INTS2: variants seen among roughly 807,000 people sequenced by gnomAD.
INTS2 encodes KIAA1287.
Under a neutral mutation model 139.6 loss-of-function variants are expected in INTS2, and 57 were observed. The ratio of observed to expected loss-of-function variants is 0.41; its 90% CI spans 0.33 to 0.51. INTS2 has a LOEUF of 0.51. INTS2 is among the 20% of genes least tolerant of loss of function. The pLI is 0.28. For missense variants in INTS2, 1,196 were observed against 1,436.7 expected (o/e 0.83, Z 2.71); for synonymous variants, 473 against 493.4 (o/e 0.96, Z 0.55).
chr17:61,913,829 G>A (rs2079550998), intron 5 of INTS2, among the ~76,000 whole-genome samples: 1 of 152,130 alleles, frequency 6.6e-6, no homozygotes, highest in African/African-American at 2.4e-5. Flanking sequence ...AATGGTAAAT[G>A]TGTGGATAAA....
At position 61,925,958 on chromosome 17, in the gene INTS2, T is replaced by G. The variant is rs187959654; in HGVS notation, c.293+394A>C. 5.7e-3 allele frequency among the ~76,000 whole-genome samples: 852 copies of G among 149,964 alleles called. 7 individuals are homozygous for G. The highest frequency in any genetic ancestry group is 9.5e-3 in the Non-Finnish European group (636 of 67,210). ...GGAGGATCGCTTGAACCTGGGAGGC[T>G]GAGGTTGCAGTGAGCCAAGATCACG... On this transcript the variant is annotated intron_variant, in intron 2 of 24. Coordinates refer to ENST00000251334, the MANE Select transcript of INTS2 (RefSeq NM_001351695.2).
rs1392761962 is a variant in INTS2, at chr17:61,893,882, T to A, written c.1581A>T (p.Ala527=). The A allele has an allele frequency of 6.4e-7, 1 of 1,571,572 alleles. No homozygotes were observed. The highest frequency in any genetic ancestry group is 2.3e-5 in the East Asian group (1 of 42,816). The change falls in exon 13 of 25, where the codon GCA becomes GCT. Residue 527 remains alanine (A), a synonymous_variant. Coordinates refer to ENST00000251334, the MANE Select transcript of INTS2 (RefSeq NM_001351695.2). This position sits in a 1 kb window ranked among gnomAD's most constrained non-coding sequence, Gnocchi z 5.4. ...GGTTGCTGGTGACAGGGACCCGAACTGCATGAGCTGTGACAACCTAAAAGG... is the reference window on the plus strand; with the variant it reads ...GGTTGCTGGTGACAGGGACCCGAACAGCATGAGCTGTGACAACCTAAAAGG... ...IFTEQVVTAH[A]VRVPVTSNLS... is the part of the protein sequence containing the mutation.
At chr17:61,880,548 T>C (rs1567892443) in intron 17 of INTS2, among the ~76,000 whole-genome samples, 1 of 151,914 alleles carries the variant, frequency 6.6e-6, no homozygotes, top group Non-Finnish European at 1.5e-5. Context: ...ACTTACAAGT[T>C]CGAGACCAGC....
At position 61,909,815 on chromosome 17, in the gene INTS2, ATGTGTGTATGTGTGTGTGTG is replaced by A. The variant is rs1336425142; in HGVS notation, c.954+1685_954+1704del. 1.4e-5 allele frequency among the ~76,000 whole-genome samples: 1 copy of A among 72,510 alleles called. No individual in the cohort carries two copies. The highest frequency in any genetic ancestry group is 2.8e-5 in the Non-Finnish European group (1 of 36,156). 47.6% of individuals were successfully genotyped at this position (72,510 alleles called of 152,430 possible). On this transcript the variant is annotated intron_variant, in intron 7 of 24. Transcript: ENST00000251334. The surrounding 1 kb of genome is among the most constrained non-coding windows in gnomAD (Gnocchi z 4.9). Reference sequence around the variant, plus strand: ...TATACATATATACGTGTGTGTGTACATGTGTGTATGTGTGTGTGTGTGTGTGTGTGTGTGTGTGTGTGTGT... The same window carrying A: ...TATACATATATACGTGTGTGTGTACATGTGTGTGTGTGTGTGTGTGTGTGT...
intron 14 of INTS2, among the ~76,000 whole-genome samples, chr17:61,891,244 G>A (rs1356850894): frequency 6.6e-6 from 1 of 151,770 alleles, no homozygotes; most frequent in African/African-American, 2.4e-5. Flanking sequence ...GCAGGGAGGA[G>A]GAGGTTGCAG....
chr17:61,883,075 G>T (rs2079191936), intron 16 of INTS2, among the ~76,000 whole-genome samples: 1 of 152,058 alleles, frequency 6.6e-6, no homozygotes, highest in Non-Finnish European at 1.5e-5. Flanking sequence ...GCATACAGGA[G>T]TATATATACA....
At chr17:61,878,633 A>G (rs1479170301) in intron 17 of INTS2, among the ~76,000 whole-genome samples, 1 of 143,302 alleles carries the variant, frequency 7.0e-6, no homozygotes, top group Non-Finnish European at 1.5e-5. Context: ...TAAAGAACAA[A>G]AATATTTTTT....
intron 5 of INTS2, among the ~76,000 whole-genome samples, chr17:61,912,919 T>A (rs868593140): frequency 6.6e-6 from 1 of 151,734 alleles, no homozygotes; most frequent in African/African-American, 2.4e-5. Context: ...CTACTAAAAA[T>A]ACAAAAATTA....
chr17:61,878,941 A>AC (rs2079150834), intron 17 of INTS2, among the ~76,000 whole-genome samples: 2 of 150,338 alleles, frequency 1.3e-5, no homozygotes, highest in African/African-American at 4.9e-5. Context: ...CAAAAAAAAA[A>AC]AAAAAAAAAA....
chr17:61,896,729 A>G (rs950123041), intron 11 of INTS2, among the ~76,000 whole-genome samples: 22 of 152,210 alleles, frequency 1.4e-4, no homozygotes, highest in African/African-American at 5.3e-4. Context: ...CTGTTCATCA[A>G]CCAAATTTGC....
intron 5 of INTS2, among the ~76,000 whole-genome samples, chr17:61,917,215 A>T (rs1251251689): frequency 1.3e-5 from 2 of 152,222 alleles, no homozygotes; most frequent in African/African-American, 4.8e-5. Context: ...GCCACTGTGG[A>T]AAGCAGTTTG....
chr17:61,923,878 C>T (rs976557995), intron 3 of INTS2, among the ~76,000 whole-genome samples: 5 of 152,104 alleles, frequency 3.3e-5, no homozygotes, highest in African/African-American at 1.2e-4. Flanking sequence ...GTCTTGAACT[C>T]CCAACCTCAG....
At position 61,921,777 on chromosome 17, in the gene INTS2, C is replaced by G; in HGVS notation, c.483G>C (p.Glu161Asp). The G allele has an allele frequency of 3.1e-6, 5 of 1,607,122 alleles. No homozygotes were observed. Among genetic ancestry groups the G allele is most frequent in the Non-Finnish European group, 4.2e-6 (5 of 1,176,654 alleles). ...CAGCTTCCTCCAAATATACTGGACTCTCAAAAAGTTCAGAAGACTTGAAAA... is the reference window on the plus strand; with the variant it reads ...CAGCTTCCTCCAAATATACTGGACTGTCAAAAAGTTCAGAAGACTTGAAAA... ...EFFFKSSELF[E>D]SPVYLEEAAD... Residue 161 changes from glutamate (E) to aspartate (D), a missense_variant, in exon 4 of 25, where the codon GAG (glutamate) becomes GAC (aspartate). Coordinates refer to ENST00000251334, the MANE Select transcript of INTS2 (RefSeq NM_001351695.2).
At chr17:61,888,472 T>C (rs2079252031) in intron 15 of INTS2, among the ~76,000 whole-genome samples, 2 of 152,214 alleles carry the variant, frequency 1.3e-5, no homozygotes, top group South Asian at 4.1e-4. Flanking sequence ...AATGATATCA[T>C]GCATGCTAAA....
At position 61,926,446 on chromosome 17, in the gene INTS2, G is replaced by A. The variant is rs1303088721; in HGVS notation, c.199C>T (p.Leu67Phe). 2 of 1,613,876 alleles carry A rather than the reference G, an allele frequency of 1.2e-6. No homozygotes were observed. The highest frequency in any genetic ancestry group is 8.5e-7 in the Non-Finnish European group (1 of 1,179,880). Residue 67 changes from leucine (L) to phenylalanine (F), a missense_variant, in exon 2 of 25, where the codon CTT becomes TTT. Coordinates refer to ENST00000251334, the MANE Select transcript of INTS2 (RefSeq NM_001351695.2). The part of the protein sequence containing the change: ...AQDKKLILRL[L>F]SGVEAVNSIV... ...GAGTTGACAGCTTCCACTCCAGAAA[G>A]AAGGCGAAGGATGAGTTTCTTATCC...
intron 5 of INTS2, among the ~76,000 whole-genome samples, chr17:61,918,048 T>C (rs968031435): frequency 6.6e-6 from 1 of 151,866 alleles, no homozygotes; most frequent in Non-Finnish European, 1.5e-5. Flanking sequence ...AAAGAAGAAA[T>C]AGGCAAATCC....
Position 61,911,595 on chromosome 17 carries a change from A to C in INTS2, c.879T>G (p.Phe293Leu). Residue 293 changes from phenylalanine to leucine, a missense_variant, in exon 7 of 25, where the codon TTT becomes TTG. Phe to Leu is a conservative substitution (Grantham distance 22). Around this residue, in one of 3 missense-constraint regions of INTS2, gnomAD observed 1,129 missense variants for 1,341.9 expected, o/e 0.84. Transcript: ENST00000251334. Reference protein sequence around the residue: ...CEDGVSDLVCFVSGLLLGTNA... With the variant: ...CEDGVSDLVCLVSGLLLGTNA... ...TTGTTCCAAGAAGCAAACCACTTACAAAACAAACCAAGTCACTCACTCCAT... is the reference window on the plus strand; with the variant it reads ...TTGTTCCAAGAAGCAAACCACTTACCAAACAAACCAAGTCACTCACTCCAT... The C allele has an allele frequency of 6.2e-7, 1 of 1,614,010 alleles. No individual in the cohort carries two copies. Among genetic ancestry groups the C allele is most frequent in the Non-Finnish European group, 8.5e-7 (1 of 1,179,884 alleles).
At position 61,893,706 on chromosome 17, in the gene INTS2, A is replaced by AAT. The variant is rs1567901565; in HGVS notation, c.1698+57_1698+58dup. On this transcript the variant is annotated intron_variant, in intron 13 of 24. Transcript: ENST00000251334. This position sits in a 1 kb window ranked among gnomAD's most constrained non-coding sequence, Gnocchi z 5.4. ...CAAGACTCCATCTCAAAAGAAAAAA[A>AAT]ATATATATATAAAAATGTAGGGGCA... The AAT allele has an allele frequency of 4.7e-6, 6 of 1,281,966 alleles. No individual in the cohort carries two copies. Among genetic ancestry groups the AAT allele is most frequent in the East Asian group, 2.9e-5 (1 of 34,598 alleles). 79.4% of individuals were successfully genotyped at this position (1,281,966 alleles called of 1,614,324 possible).
In INTS2 at chr17:61,867,773, G is replaced by C. The variant is rs755092555; in HGVS notation, c.3422-47C>G. ...ACATTAAGGCCAAGAAATTTGGAAA[G>C]GAATTTGGCCTTTTTGTTTGAGATA... On this transcript the variant is annotated intron_variant, in intron 24 of 24. Coordinates refer to ENST00000251334, the MANE Select transcript of INTS2 (RefSeq NM_001351695.2). The surrounding 1 kb of genome is among the most constrained non-coding windows in gnomAD (Gnocchi z 5.6). 1 of 1,559,836 alleles carries C rather than the reference G, an allele frequency of 6.4e-7. No homozygotes were observed. Among genetic ancestry groups the C allele is most frequent in the Admixed American group, 2.0e-5 (1 of 48,788 alleles).
Sources: allele counts gnomAD v4.1 joint callset (sites outside exome capture counted in the v4.1 genomes callset), GRCh38; gene constraint gnomAD v4.1.1; regional missense constraint gnomAD v4.1.1; non-coding constraint Gnocchi (gnomAD v3.1); transcripts MANE v1.5; gene names NCBI Gene and HGNC (gene_info 2026-07-23, HGNC 2026-07-21).